Variants in AFF3 observed in about 807,000 individuals in gnomAD.
AFF3 encodes the protein ALF transcription elongation factor 3.
Under a neutral mutation model 129.7 loss-of-function variants are expected in AFF3, and 32 were observed. The observed-to-expected ratio is 0.25, with a 90% CI of 0.19 to 0.33. The LOEUF (loss-of-function observed/expected upper bound fraction) is 0.33. Among genes scored for constraint, AFF3 ranks in the 10% least tolerant of loss-of-function variants. The pLI is 1.00. For missense variants in AFF3, 1,373 were observed against 1,592.0 expected, an observed-to-expected ratio of 0.86 and a Z score of 2.34; for synonymous variants, 644 against 635.4, an observed-to-expected ratio of 1.01 and a Z score of -0.20.
chr2:99,802,742 G>C (rs1331146324), intron 8 of AFF3, among the ~76,000 whole-genome samples: 1 of 111,188 alleles, frequency 9.0e-6, no homozygotes, highest in Non-Finnish European at 1.9e-5. Context: ...TTCAGTTTTT[G>C]ATTTGACTCT....
intron 7 of AFF3, among the ~76,000 whole-genome samples, chr2:99,963,693 CA>C (rs1677451986): frequency 6.6e-6 from 1 of 150,808 alleles, no homozygotes; most frequent in Admixed American, 6.6e-5. Context: ...TTTAAATGTT[CA>C]AATAACCCAC....
chr2:99,590,061 A>G (rs1037895569), intron 15 of AFF3, among the ~76,000 whole-genome samples: 11 of 152,194 alleles, frequency 7.2e-5, no homozygotes, highest in African/African-American at 2.7e-4. Flanking sequence ...CCTTCTGCCA[A>G]TCAGAGGCCC....
At chr2:99,911,484 C>T (rs975720496) in intron 7 of AFF3, among the ~76,000 whole-genome samples, 2 of 152,118 alleles carry the variant, frequency 1.3e-5, no homozygotes, top group Admixed American at 6.5e-5. Flanking sequence ...GGTTCTGACC[C>T]CTTTGACATG....
At chr2:99,733,737 T>A (rs1428742375) in intron 10 of AFF3, among the ~76,000 whole-genome samples, 1 of 152,060 alleles carries the variant, frequency 6.6e-6, no homozygotes, top group African/African-American at 2.4e-5. Flanking sequence ...ATCTCTGCCA[T>A]GAGTCCAGTT....
intron 13 of AFF3, among the ~76,000 whole-genome samples, chr2:99,649,246 C>G (rs1254918264): frequency 6.6e-6 from 1 of 152,032 alleles, no homozygotes; most frequent in Non-Finnish European, 1.5e-5. Flanking sequence ...ATAGATAGCT[C>G]CCGGTGAAAT....
intron 8 of AFF3, among the ~76,000 whole-genome samples, chr2:99,825,122 T>C (rs191238125): frequency 6.6e-6 from 1 of 152,310 alleles, no homozygotes; most frequent in East Asian, 1.9e-4. Context: ...CATCCACACA[T>C]CAGATTTATC....
In AFF3 at chr2:100,006,889, G is replaced by A. The variant is rs763726585; in HGVS notation, c.616C>T (p.His206Tyr). 21 of 1,614,060 alleles carry A rather than the reference G, an allele frequency of 1.3e-5. No homozygotes were observed. In the Admixed American group the frequency reaches 3.5e-4, roughly 27 times the overall value. The change falls in exon 7 of 25, where the codon CAC (histidine) becomes TAC (tyrosine). Residue 206 changes from histidine to tyrosine, a missense_variant. Physicochemically the swap from His to Tyr is moderately conservative, Grantham distance 83. Coordinates refer to ENST00000672756, the MANE Select transcript of AFF3 (RefSeq NM_001386135.1). Reference protein sequence around the residue: ...QERPPAMAAKHSSSGHCVQNF... With the variant: ...QERPPAMAAKYSSSGHCVQNF... Reference sequence around the variant, plus strand: ...TGAACACAGTGTCCGCTGCTGCTGTGCTTGGCCGCCATGGCAGGTGGCCTC... The same window carrying A: ...TGAACACAGTGTCCGCTGCTGCTGTACTTGGCCGCCATGGCAGGTGGCCTC...
rs1558991950 is a variant in AFF3, at chr2:99,938,432, C to CAAT, written c.873+68199_873+68200insATT. Among the ~76,000 whole-genome samples the CAAT allele has an allele frequency of 2.0e-5, 3 of 151,408 alleles. No individual in the cohort carries two copies. The South Asian group carries it at 6.3e-4, about 32-fold the overall frequency. ...CTCAAAATAGTACATGACACACAGT[C>CAAT]GATGATGATGATGATGATGATGATG... On this transcript the variant is annotated intron_variant, in intron 7 of 24. Coordinates refer to ENST00000672756, the MANE Select transcript of AFF3 (RefSeq NM_001386135.1).
chr2:99,735,948 T>A (rs1680218529), intron 10 of AFF3, among the ~76,000 whole-genome samples: 1 of 152,222 alleles, frequency 6.6e-6, no homozygotes, highest in Non-Finnish European at 1.5e-5. Context: ...TTTTCCCTCC[T>A]AGTCATATTT....
chr2:99,964,676 A>C (rs1677566523), intron 7 of AFF3, among the ~76,000 whole-genome samples: 1 of 152,238 alleles, frequency 6.6e-6, no homozygotes, highest in African/African-American at 2.4e-5. Context: ...AAAGTATTAC[A>C]TGCAAAAATT....
intron 11 of AFF3, among the ~76,000 whole-genome samples, chr2:99,684,279 C>T (rs747712482): frequency 4.6e-5 from 7 of 152,206 alleles, no homozygotes; most frequent in South Asian, 2.1e-4. Flanking sequence ...CCTTATCCTA[C>T]GCTGTGTGGA....
chr2:99,955,204 T>C (rs570523745), intron 7 of AFF3, among the ~76,000 whole-genome samples: 107 of 152,194 alleles, frequency 7.0e-4, no homozygotes, highest in African/African-American at 2.5e-3. Flanking sequence ...ATAAGGATAA[T>C]AAAATATAAT....
rs575994476 is a variant in AFF3, at chr2:100,026,573, G to A, written c.54-17641C>T. ...GTATCTACCCAGAGGAAAAGAAGTC[G>A]TTATACGAAAAAGATACTTGCACAT... On this transcript the variant is annotated intron_variant, in intron 4 of 24. Transcript: ENST00000672756. Among the ~76,000 whole-genome samples the A allele has an allele frequency of 1.8e-4, 28 of 152,000 alleles. No individual in the cohort carries two copies. The South Asian group carries it at 1.9e-3, about 10-fold the overall frequency.
At chr2:99,600,894 T>TG (rs3838579) in intron 14 of AFF3, among the ~76,000 whole-genome samples, 129,811 of 152,192 alleles carry the variant, frequency 0.85, 55,474 homozygotes, top group East Asian at 0.93. Flanking sequence ...CATCATTTTT[T>TG]TAGGGTGATG....
intron 7 of AFF3, among the ~76,000 whole-genome samples, chr2:99,903,684 T>A (rs188701656): frequency 1.3e-5 from 2 of 152,312 alleles, no homozygotes; most frequent in East Asian, 3.9e-4. Flanking sequence ...GTTTGAAATA[T>A]ATTTGTATTT....
At chr2:99,649,081 CTG>C (rs1299010438) in intron 13 of AFF3, among the ~76,000 whole-genome samples, 1 of 152,068 alleles carries the variant, frequency 6.6e-6, no homozygotes, top group Admixed American at 6.6e-5. Flanking sequence ...AAAATACAGC[CTG>C]TGTGTGTTTC....
At chr2:99,913,582 TA>T (rs1205276746) in intron 7 of AFF3, among the ~76,000 whole-genome samples, 3 of 152,168 alleles carry the variant, frequency 2.0e-5, no homozygotes, top group Non-Finnish European at 4.4e-5. Flanking sequence ...ACACAACACT[TA>T]AGTAGTAATG....
At chr2:99,707,121 C>A (rs1677473497) in intron 11 of AFF3, 1 of 985,318 alleles carries the variant, frequency 1.0e-6, no homozygotes, top group South Asian at 4.7e-5. Context: ...AAGGCTGGCT[C>A]CAGTTGTGGC....
chr2:99,611,265 G>C (rs918154373), intron 13 of AFF3, among the ~76,000 whole-genome samples: 7 of 152,168 alleles, frequency 4.6e-5, no homozygotes, highest in African/African-American at 1.7e-4. Context: ...TAAAATGCTT[G>C]TCAGATAATT....
Sources: gnomAD v4.1 joint callset for allele counts (sites outside exome capture counted in the v4.1 genomes callset) on GRCh38, gnomAD v4.1.1 for gene constraint, MANE v1.5 for transcripts, NCBI Gene and HGNC (gene_info 2026-07-23, HGNC 2026-07-21) for gene names.